DEPDC4: variants seen among roughly 807,000 people sequenced by gnomAD.
The protein encoded by DEPDC4 is DEP domain containing 4.
In DEPDC4, 52 loss-of-function variants were observed where a neutral mutation model predicts 52.0. The observed-to-expected ratio is 1.00, with a 90% confidence interval of 0.80 to 1.26. The LOEUF is 1.26. DEPDC4 is among the 50% of genes most tolerant of loss of function. The pLI is 0.00. For synonymous variants in DEPDC4, 201 were observed against 196.8 expected, an observed-to-expected ratio of 1.02 and a Z score of -0.18; for missense variants, 530 against 546.9, an observed-to-expected ratio of 0.97 and a Z score of 0.31.
At chr12:100,238,133 T>C, downstream of DEPDC4, 1 of 746,156 alleles carries the variant, frequency 1.3e-6, no homozygotes, top group Non-Finnish European at 1.6e-6. Flanking sequence ...AAAAAAAAAA[T>C]ATGCAGATTA....
At chr12:100,272,578 T>C in the DEPDC4 span, among the ~76,000 whole-genome samples, 2 of 152,290 alleles carry the variant, frequency 1.3e-5, no homozygotes, top group South Asian at 2.1e-4. Context: ...CTATTAGATA[T>C]CTCCATCTGA....
At chr12:100,276,470 C>G in the DEPDC4 span, among the ~76,000 whole-genome samples, 1 of 152,070 alleles carries the variant, frequency 6.6e-6, no homozygotes, top group African/African-American at 2.4e-5. Flanking sequence ...GTAGCTGGGA[C>G]CATAAGCACA....
rs1232632811 is a variant in DEPDC4, at chr12:100,244,087, C to CTGTATA, written c.1454-1519_1454-1518insTATACA. Among the ~76,000 whole-genome samples, 22 of 29,430 alleles carry CTGTATA rather than the reference C, an allele frequency of 7.5e-4. 1 individual carries two copies. The highest frequency in any genetic ancestry group is 9.3e-4 in the Non-Finnish European group (15 of 16,094). 19.3% of individuals were successfully genotyped at this position (29,430 alleles called of 152,430 possible). ...GGTGTCTCCCTCTCTCTCTCTCTCTCTCTCTGTGTATATATATATATATAT... is the reference window on the plus strand; with the variant it reads ...GGTGTCTCCCTCTCTCTCTCTCTCTCTGTATATCTCTGTGTATATATATATATATAT... On this transcript the variant is annotated intron_variant, in intron 8 of 9. Transcript: ENST00000550587.
rs917762468 is a variant in DEPDC4, at chr12:100,240,409, C to T, written c.*1483G>A. On this transcript the variant is annotated 3_prime_UTR_variant, in exon 10 of 10. Coordinates refer to ENST00000550587, the MANE Select transcript of DEPDC4 (RefSeq NM_001364818.2). ...TGAACTCCTGGACTTAAAGCAATCCCCTCTCCCTGGCCTCCCAAAAGTGCC... is the reference window on the plus strand; with the variant it reads ...TGAACTCCTGGACTTAAAGCAATCCTCTCTCCCTGGCCTCCCAAAAGTGCC... Among the ~76,000 whole-genome samples, 1 of 152,154 alleles carries T rather than the reference C, an allele frequency of 6.6e-6. No individual in the cohort carries two copies. The highest frequency in any genetic ancestry group is 2.4e-5 in the African/African-American group (1 of 41,422).
chr12:100,261,198 AAG>A (rs1452441957), intron 3 of DEPDC4, among the ~76,000 whole-genome samples: 5 of 151,902 alleles, frequency 3.3e-5, no homozygotes, highest in South Asian at 2.1e-4. Context: ...AAAAAAAAAA[AAG>A]AGTTCTCTTT....
chr12:100,267,671 G>A (rs2096280316), upstream of DEPDC4: 1 of 152,410 alleles, frequency 6.6e-6, no homozygotes, highest in Admixed American at 6.5e-5. Context: ...TGAGGCGACG[G>A]GAGACCCGGG....
In DEPDC4 at chr12:100,241,256, C is replaced by G. The variant is rs2096157464; in HGVS notation, c.*636G>C. On this transcript the variant is annotated 3_prime_UTR_variant, in exon 10 of 10. Transcript: ENST00000550587. Reference sequence around the variant, plus strand: ...AAAGGAAATTAACTGTACTAGATCCCTAATAATAGCAGCACATTTATTAAG... The same window carrying G: ...AAAGGAAATTAACTGTACTAGATCCGTAATAATAGCAGCACATTTATTAAG... 6.6e-6 allele frequency among the ~76,000 whole-genome samples: 1 copy of G among 152,090 alleles called. No individual in the cohort carries two copies. Among genetic ancestry groups the G allele is most frequent in the Non-Finnish European group, 1.5e-5 (1 of 68,028 alleles).
downstream of DEPDC4, chr12:100,238,071 G>T (rs1434421809): frequency 1.0e-6 from 1 of 983,190 alleles, no homozygotes; most frequent in Non-Finnish European, 1.2e-6. Context: ...ATCTCTTCAG[G>T]TACCCTCTCA....
At chr12:100,244,089 CTCTG>C (rs1251867593) in intron 8 of DEPDC4, among the ~76,000 whole-genome samples, 28 of 26,716 alleles carry the variant, frequency 1.0e-3, no homozygotes, top group African/African-American at 1.5e-3. Flanking sequence ...CTCTCTCTCT[CTCTG>C]TGTATATATA....
chr12:100,235,707 TG>T (rs1397372370), downstream of DEPDC4, among the ~76,000 whole-genome samples: 2 of 152,128 alleles, frequency 1.3e-5, no homozygotes, highest in African/African-American at 2.4e-5. Context: ...CCCAAGTAGC[TG>T]GGATTACAGG....
At chr12:100,251,183 C>T (rs918242654) in intron 7 of DEPDC4, among the ~76,000 whole-genome samples, 13 of 152,074 alleles carry the variant, frequency 8.5e-5, no homozygotes, top group Non-Finnish European at 1.5e-4. Flanking sequence ...AATCATCCCA[C>T]CCCAGCCTCC....
intron 8 of DEPDC4, among the ~76,000 whole-genome samples, chr12:100,246,242 A>G (rs1223982366): frequency 6.6e-6 from 1 of 151,894 alleles, no homozygotes; most frequent in Non-Finnish European, 1.5e-5. Flanking sequence ...CTATTCTTTA[A>G]GACTCCTATT....
In DEPDC4 at chr12:100,241,080, C is replaced by T. The variant is rs1163505770; in HGVS notation, c.*812G>A. On this transcript the variant is annotated 3_prime_UTR_variant, in exon 10 of 10. Coordinates refer to ENST00000550587, the MANE Select transcript of DEPDC4 (RefSeq NM_001364818.2). The stretch of plus-strand genomic sequence containing the variant: ...AACAAAACAAAACAAAACAAAACAA[C>T]TACTTTATGCATCTTTCCCTATTTC... Among the ~76,000 whole-genome samples, 1 of 151,938 alleles carries T rather than the reference C, an allele frequency of 6.6e-6. No individual in the cohort carries two copies. Among genetic ancestry groups the T allele is most frequent in the Non-Finnish European group, 1.5e-5 (1 of 67,978 alleles).
At chr12:100,254,011 T>A (rs2096220521) in intron 4 of DEPDC4, among the ~76,000 whole-genome samples, 1 of 152,192 alleles carries the variant, frequency 6.6e-6, no homozygotes, top group Non-Finnish European at 1.5e-5. Context: ...TTGTTAGTAG[T>A]TCCCCTCCCT....
At chr12:100,268,502 A>G (rs1019132780), upstream of DEPDC4, among the ~76,000 whole-genome samples, 2 of 152,212 alleles carry the variant, frequency 1.3e-5, no homozygotes, top group Non-Finnish European at 2.9e-5. Flanking sequence ...AGGCAACATT[A>G]AACTGTAATC....
At chr12:100,234,098 C>T (rs1458729796) in intron 9 of DEPDC4, among the ~76,000 whole-genome samples, 2 of 145,580 alleles carry the variant, frequency 1.4e-5, no homozygotes, top group East Asian at 1.9e-4. Context: ...CAGAGTTAGA[C>T]CCTGTCTCCA....
At chr12:100,264,130 A>G (rs1439901925) in intron 1 of DEPDC4, among the ~76,000 whole-genome samples, 2 of 152,216 alleles carry the variant, frequency 1.3e-5, no homozygotes, top group Non-Finnish European at 2.9e-5. Flanking sequence ...ATACATTATT[A>G]TATGAATTTA....
chr12:100,264,374 C>G (rs1178959176), intron 1 of DEPDC4, among the ~76,000 whole-genome samples: 1 of 151,814 alleles, frequency 6.6e-6, no homozygotes, highest in African/African-American at 2.4e-5. Flanking sequence ...TTGTTTAAAC[C>G]AGCTGTTTAA....
intron 3 of DEPDC4, among the ~76,000 whole-genome samples, chr12:100,259,454 T>A (rs577942474): frequency 5.9e-5 from 9 of 152,244 alleles, no homozygotes; most frequent in African/African-American, 1.4e-4. Context: ...AAAACAAAAA[T>A]GTATTTGGTC....
Sources: allele counts gnomAD v4.1 joint callset (sites outside exome capture counted in the v4.1 genomes callset), GRCh38; gene constraint gnomAD v4.1.1; transcripts MANE v1.5; gene names NCBI Gene and HGNC (gene_info 2026-07-23, HGNC 2026-07-21).